The following ARID2 variants were observed in gnomAD, a reference collection of about 807,000 sequenced individuals.
The protein encoded by ARID2 is AT-rich interactive domain-containing protein 2.
ARID2 carries 32 observed loss-of-function variants against 184.6 expected under a neutral mutation model. The observed-to-expected ratio is 0.17, with a 90% CI of 0.13 to 0.23. The LOEUF (loss-of-function observed/expected upper bound fraction) is 0.23. Among genes scored for constraint, ARID2 ranks in the 10% least tolerant of loss-of-function variants. ARID2 has a pLI of 1.00. For missense variants in ARID2, 1,696 were observed against 2,197.6 expected, an observed-to-expected ratio of 0.77 and a Z score of 4.56; for synonymous variants, 836 against 772.6, an observed-to-expected ratio of 1.08 and a Z score of -1.36.
chr12:45,756,517 C>T (rs189615955), intron 3 of ARID2, among the ~76,000 whole-genome samples: 41 of 152,304 alleles, frequency 2.7e-4, no homozygotes, highest in Admixed American at 1.3e-3. Flanking sequence ...AACTCACCTT[C>T]AATTAATATG....
intron 4 of ARID2, among the ~76,000 whole-genome samples, chr12:45,815,185 T>G (rs1473843734): frequency 1.3e-5 from 2 of 152,176 alleles, no homozygotes; most frequent in African/African-American, 4.8e-5. Flanking sequence ...ACCTGAAAGC[T>G]ATGTGGAATA....
At chr12:45,858,364 A>AAAAG (rs150726027) in intron 15 of ARID2, among the ~76,000 whole-genome samples, 3 of 152,136 alleles carry the variant, frequency 2.0e-5, no homozygotes, top group Non-Finnish European at 2.9e-5. Flanking sequence ...CTATCTAAAA[A>AAAAG]AAAGAAAGAA....
intron 3 of ARID2, among the ~76,000 whole-genome samples, chr12:45,753,605 T>C (rs1487037896): frequency 6.6e-6 from 1 of 152,210 alleles, no homozygotes; most frequent in African/African-American, 2.4e-5. Flanking sequence ...AATCCAGGTT[T>C]CTTTTTTCTT....
intron 3 of ARID2, among the ~76,000 whole-genome samples, chr12:45,784,613 G>A (rs187086335): frequency 3.3e-3 from 498 of 152,204 alleles, no homozygotes; most frequent in African/African-American, 0.012. Context: ...GCACTGAGCC[G>A]AGATCGTGCT....
chr12:45,787,373 AT>A (rs1284164609), intron 3 of ARID2, among the ~76,000 whole-genome samples: 2 of 151,542 alleles, frequency 1.3e-5, no homozygotes, highest in Non-Finnish European at 2.9e-5. Flanking sequence ...ATGCACCAAT[AT>A]GTCTGGGATA....
intron 20 of ARID2, among the ~76,000 whole-genome samples, 171 bp from the exon 21 acceptor site, chr12:45,904,763 T>C (rs1365814688): frequency 6.6e-6 from 1 of 151,740 alleles, no homozygotes; most frequent in East Asian, 1.9e-4. Context: ...CAGTTTATCC[T>C]TCTAGTTGTT....
rs746385580 is a variant in ARID2 at position 45,850,252 on chromosome 12, C to T, written c.2129C>T (p.Pro710Leu). 6.2e-7 allele frequency: 1 copy of T among 1,614,126 alleles called. No homozygotes were observed. The change falls in exon 15 of 21, where the codon CCT becomes CTT. Residue 710 changes from proline (P) to leucine (L), a missense_variant. By Grantham distance (98) the Pro-to-Leu change is moderately conservative. Coordinates refer to ENST00000334344, the MANE Select transcript of ARID2 (RefSeq NM_152641.4). ...GTCATTCAAAGTAAAGCTCCAATTC[C>T]TTGTGAAGTTGTTAAGGCTACAGTT... ...VTVIQSKAPI[P>L]CEVVKATVIQ...
intron 3 of ARID2, among the ~76,000 whole-genome samples, chr12:45,777,868 A>C (rs2138033926): frequency 6.6e-6 from 1 of 150,500 alleles, no homozygotes; most frequent in South Asian, 2.1e-4. Flanking sequence ...CTCAACAAGT[A>C]GAATTTTAAC....
At chr12:45,799,613 T>G (rs1464027135) in intron 3 of ARID2, among the ~76,000 whole-genome samples, 1 of 152,172 alleles carries the variant, frequency 6.6e-6, no homozygotes, top group Non-Finnish European at 1.5e-5. Flanking sequence ...CCTTTGTTGT[T>G]ATAAAAGCAA....
chr12:45,761,933 C>A (rs952852231), intron 3 of ARID2, among the ~76,000 whole-genome samples: 1 of 152,048 alleles, frequency 6.6e-6, no homozygotes, highest in East Asian at 1.9e-4. Flanking sequence ...TGGAACATTT[C>A]CTAGATTAAT....
chr12:45,775,041 C>G (rs1027891313), intron 3 of ARID2, among the ~76,000 whole-genome samples: 1 of 151,896 alleles, frequency 6.6e-6, no homozygotes, highest in African/African-American at 2.4e-5. Flanking sequence ...TCAGGATGGT[C>G]CCCCCATAAA....
intron 16 of ARID2, among the ~76,000 whole-genome samples, chr12:45,887,121 A>G (rs562558378): frequency 6.6e-6 from 1 of 152,388 alleles, no homozygotes; most frequent in African/African-American, 2.4e-5. Flanking sequence ...CTGGAATAAA[A>G]GAAAATACAA....
chr12:45,899,672 TA>T (rs1944425153), intron 20 of ARID2, among the ~76,000 whole-genome samples: 3 of 14,680 alleles, frequency 2.0e-4, no homozygotes, highest in Non-Finnish European at 6.7e-4. Flanking sequence ...TATATATGGT[TA>T]TATATGGTTA....
intron 15 of ARID2, among the ~76,000 whole-genome samples, chr12:45,853,344 C>CT (rs753700890): frequency 3.2e-4 from 48 of 152,132 alleles, no homozygotes; most frequent in Non-Finnish European, 6.8e-4. Flanking sequence ...CTTGTAATAA[C>CT]TTTATCAGTC....
At chr12:45,782,376 A>C (rs1357946810) in intron 3 of ARID2, among the ~76,000 whole-genome samples, 1 of 152,194 alleles carries the variant, frequency 6.6e-6, no homozygotes, top group Non-Finnish European at 1.5e-5. Context: ...TCATGCCTGT[A>C]ATCCCAGCAC....
At chr12:45,753,832 G>A (rs565900240) in intron 3 of ARID2, among the ~76,000 whole-genome samples, 2 of 152,170 alleles carry the variant, frequency 1.3e-5, no homozygotes, top group South Asian at 2.1e-4. Flanking sequence ...GGACTCAAGC[G>A]ATCTGCCCTC....
At chr12:45,899,205 G>A (rs1448450991) in intron 20 of ARID2, among the ~76,000 whole-genome samples, 1 of 146,896 alleles carries the variant, frequency 6.8e-6, no homozygotes, top group Admixed American at 6.9e-5. Context: ...CCGTAAGGCG[G>A]AGGTTGCGGT....
At chr12:45,823,577 A>G (rs1015456355) in intron 6 of ARID2, among the ~76,000 whole-genome samples, 1 of 152,024 alleles carries the variant, frequency 6.6e-6, no homozygotes, top group Non-Finnish European at 1.5e-5. Context: ...AAGAGAGAAG[A>G]CTCAAATAAA....
chr12:45,783,021 C>G (rs1393326722), intron 3 of ARID2, among the ~76,000 whole-genome samples: 2 of 151,794 alleles, frequency 1.3e-5, no homozygotes, highest in African/African-American at 4.8e-5. Context: ...AACTACTGAA[C>G]TACGGGGGAG....
Sources: allele counts gnomAD v4.1 joint callset (sites outside exome capture counted in the v4.1 genomes callset), GRCh38; gene constraint gnomAD v4.1.1; transcripts MANE v1.5; gene names NCBI Gene and HGNC (gene_info 2026-07-23, HGNC 2026-07-21).